SMIM35: variants seen among roughly 807,000 people sequenced by gnomAD.
The protein encoded by SMIM35 is TMPRSS4 antisense RNA 1 (non-protein coding).
chr11:118,061,687 G>A (rs1292049252), intron 1 of SMIM35, among the ~76,000 whole-genome samples: 1 of 152,030 alleles, frequency 6.6e-6, no homozygotes, highest in Non-Finnish European at 1.5e-5. Context: ...CCCTTCCTGC[G>A]ACCTGGGCTG....
chr11:118,029,588 C>T (rs2058301505), intron 1 of SMIM35: 1 of 455,020 alleles, frequency 2.2e-6, no homozygotes, highest in South Asian at 1.6e-5. Context: ...TACCCCCTGT[C>T]TGCTTCTTAT....
intron 1 of SMIM35, among the ~76,000 whole-genome samples, chr11:118,078,386 C>T (rs1482922587): frequency 6.6e-6 from 1 of 152,042 alleles, no homozygotes; most frequent in Admixed American, 6.5e-5. Context: ...AGGGTGTGAC[C>T]TGCAGGGGCC....
intron 1 of SMIM35, chr11:118,025,951 T>C (rs2058270821): frequency 3.2e-6 from 1 of 313,056 alleles, no homozygotes. Flanking sequence ...CTTTAATTTA[T>C]CTTGAGTTAA....
chr11:118,007,347 C>T (rs1174737030), intron 4 of SMIM35, among the ~76,000 whole-genome samples: 2 of 152,298 alleles, frequency 1.3e-5, no homozygotes, highest in African/African-American at 4.8e-5. Flanking sequence ...GCTCAGAGAG[C>T]TTGCGCTCAC....
chr11:118,053,307 AAC>A (rs57912361), intron 1 of SMIM35, among the ~76,000 whole-genome samples: 8,985 of 141,902 alleles, frequency 0.063, 322 homozygotes, highest in African/African-American at 0.097. Flanking sequence ...GACTCTCTAA[AAC>A]ACACACACAC....
chr11:118,027,016 CTTT>C (rs60864416), intron 1 of SMIM35, among the ~76,000 whole-genome samples: 1 of 93,254 alleles, frequency 1.1e-5, no homozygotes, highest in Admixed American at 1.4e-4. Context: ...ACCACCACCA[CTTT>C]TTTTTTTTTT....
intron 1 of SMIM35, among the ~76,000 whole-genome samples, chr11:118,043,688 T>C (rs1478783696): frequency 6.6e-6 from 1 of 151,628 alleles, no homozygotes; most frequent in East Asian, 1.9e-4. Context: ...TGGGCGCCTG[T>C]AGTCCCAGCT....
chr11:118,070,761 A>T (rs1336305852), intron 1 of SMIM35, among the ~76,000 whole-genome samples: 2 of 152,052 alleles, frequency 1.3e-5, no homozygotes, highest in East Asian at 3.9e-4. Context: ...TTACACGGAC[A>T]ATATGGAAAC....
At chr11:118,069,705 A>G (rs1372662084) in intron 1 of SMIM35, among the ~76,000 whole-genome samples, 1 of 152,208 alleles carries the variant, frequency 6.6e-6, no homozygotes, top group Non-Finnish European at 1.5e-5. Context: ...TTAGGCCACG[A>G]GGGCACAGTG....
chr11:118,017,753 G>T (rs563642715), intron 1 of SMIM35, among the ~76,000 whole-genome samples: 1 of 152,280 alleles, frequency 6.6e-6, no homozygotes, highest in South Asian at 2.1e-4. Context: ...CAGCATGGCT[G>T]GGGAGGCCTC....
At chr11:118,040,906 G>A (rs1943989222) in intron 1 of SMIM35, among the ~76,000 whole-genome samples, 1 of 151,780 alleles carries the variant, frequency 6.6e-6, no homozygotes, top group Non-Finnish European at 1.5e-5. Flanking sequence ...TGCTGAGTTT[G>A]TAACATTAAT....
At chr11:118,064,639 T>G (rs1274151398) in intron 1 of SMIM35, among the ~76,000 whole-genome samples, 1 of 151,866 alleles carries the variant, frequency 6.6e-6, no homozygotes, top group African/African-American at 2.4e-5. Flanking sequence ...GTTGTTTTTT[T>G]CATCACTATT....
At chr11:118,052,257 C>A (rs1202385029) in intron 1 of SMIM35, among the ~76,000 whole-genome samples, 1 of 152,166 alleles carries the variant, frequency 6.6e-6, no homozygotes. Flanking sequence ...CAGTTTCCCG[C>A]GTCCGGCCTT....
At chr11:118,065,087 G>T (rs138419366) in intron 1 of SMIM35, among the ~76,000 whole-genome samples, 3 of 152,206 alleles carry the variant, frequency 2.0e-5, no homozygotes, top group Non-Finnish European at 2.9e-5. Context: ...GTCCTAAAGC[G>T]TGGCCCTGTA....
At chr11:118,008,165 C>T (rs916278863) in intron 4 of SMIM35, among the ~76,000 whole-genome samples, 3 of 152,174 alleles carry the variant, frequency 2.0e-5, no homozygotes, top group Non-Finnish European at 4.4e-5. Flanking sequence ...CCACCGTGCC[C>T]GGCCACACCT....
chr11:118,028,008 C>G (rs1206536048), intron 1 of SMIM35, among the ~76,000 whole-genome samples: 1 of 152,206 alleles, frequency 6.6e-6, no homozygotes, highest in African/African-American at 2.4e-5. Flanking sequence ...GCATGGGGCT[C>G]TAGGGCAAGA....
Position 118,005,946 on chromosome 11 carries a change from G to T in SMIM35, c.*464C>A, listed in dbSNP as rs1255695516. 1.3e-5 allele frequency: 2 copies of T among 152,422 alleles called. No individual in the cohort carries two copies. The highest frequency in any genetic ancestry group is 2.9e-5 in the Non-Finnish European group (2 of 68,152). The allele number at this position is 152,422 out of a possible 1,614,324, so 9.4% of individuals were successfully genotyped here. A position where few individuals can be genotyped will look rare whatever the true frequency, so the allele number is the denominator to read the frequency against. On this transcript the variant is annotated 3_prime_UTR_variant, in exon 5 of 5. Transcript: ENST00000689828. ...CTTTGTCAGGCCAGGAGGACGGGAG[G>T]CACCGACTGTATGGGCTGTCATGGG...
chr11:118,013,300 G>A (rs1456866578), intron 4 of SMIM35, among the ~76,000 whole-genome samples: 1 of 152,220 alleles, frequency 6.6e-6, no homozygotes, highest in Non-Finnish European at 1.5e-5. Context: ...GGGAAGGGAT[G>A]GGCTTAAAGG....
chr11:118,052,266 T>C (rs1474876756), intron 1 of SMIM35, among the ~76,000 whole-genome samples: 1 of 152,128 alleles, frequency 6.6e-6, no homozygotes, highest in Admixed American at 6.5e-5. Flanking sequence ...GCGTCCGGCC[T>C]TCTACGGCTG....
Sources: gnomAD v4.1 joint callset for allele counts (sites outside exome capture counted in the v4.1 genomes callset) on GRCh38, gnomAD v4.1.1 for gene constraint, MANE v1.5 for transcripts, NCBI Gene and HGNC (gene_info 2026-07-23, HGNC 2026-07-21) for gene names.